The following UBR1 variants were observed in gnomAD, a reference collection of about 807,000 sequenced individuals.
UBR1 encodes ubiquitin protein ligase E3 component n-recognin 1, also known as E3 ubiquitin-protein ligase UBR1.
UBR1 carries 102 observed loss-of-function variants against 242.1 expected under a neutral mutation model. That is an observed-to-expected ratio of 0.42 (90% CI 0.36 to 0.50). UBR1 has a LOEUF of 0.50. Ranked by LOEUF, UBR1 falls within the 20% of genes least tolerant of loss-of-function variation. UBR1 has a pLI of 0.01. For synonymous variants in UBR1, 675 were observed against 684.8 expected (o/e 0.99, Z 0.22); for missense variants, 1,772 against 2,101.8 (o/e 0.84, Z 3.07).
intron 2 of UBR1, among the ~76,000 whole-genome samples, chr15:43,083,661 C>G (rs747473328): frequency 6.6e-6 from 1 of 151,798 alleles, no homozygotes; most frequent in Non-Finnish European, 1.5e-5. Flanking sequence ...GGATTACAGG[C>G]GTGAGCCTCT....
Position 43,036,223 on chromosome 15 carries a change from A to C in UBR1, c.2145T>G (p.Tyr715Ter). 6.2e-7 allele frequency: 1 copy of C among 1,613,804 alleles called. No individual in the cohort carries two copies. The highest frequency in any genetic ancestry group is 8.5e-7 in the Non-Finnish European group (1 of 1,179,834). The change falls in exon 19 of 47, where the codon TAT (tyrosine) becomes TAG (stop). Residue 715 changes from tyrosine (Y) to a stop codon, truncating the protein, a stop_gained. Coordinates refer to ENST00000290650, the MANE Select transcript of UBR1 (RefSeq NM_174916.3). LOFTEE classifies it high-confidence loss of function. ...NKFLLLVLQR[Y>*]ELAEAFNKTI... Reference sequence around the variant, plus strand: ...TCTTGTTAAAAGCCTCGGCAAGTTCATACCTCTGAAGTACCAGTAACAAGA... The same window carrying C: ...TCTTGTTAAAAGCCTCGGCAAGTTCCTACCTCTGAAGTACCAGTAACAAGA...
At chr15:43,028,305 C>T (rs2033203334) in intron 21 of UBR1, among the ~76,000 whole-genome samples, 1 of 152,086 alleles carries the variant, frequency 6.6e-6, no homozygotes, top group South Asian at 2.1e-4. Flanking sequence ...AAGTTTTTTT[C>T]TGATTGACCT....
intron 27 of UBR1, 147 bp downstream of exon 27, chr15:43,021,128 G>T: frequency 1.6e-6 from 1 of 624,532 alleles, no homozygotes; most frequent in South Asian, 1.9e-5. Context: ...TAAAATATAG[G>T]AAAATAGAAT....
Position 42,972,708 on chromosome 15 carries a change from ACT to A in UBR1, c.4370-2103_4370-2102del, listed in dbSNP as rs1269845271. On this transcript the variant is annotated intron_variant, in intron 39 of 46. Transcript: ENST00000290650. ...CTTTTTAGCACTGAATAATATTTCCACTCTCTGGATATACTGTAATTTATTTA... is the reference window on the plus strand; with the variant it reads ...CTTTTTAGCACTGAATAATATTTCCACTCTGGATATACTGTAATTTATTTA... Among the ~76,000 whole-genome samples, 6 of 151,786 alleles carry A rather than the reference ACT, an allele frequency of 4.0e-5. 1 individual carries two copies. The East Asian group carries it at 1.2e-3, about 29-fold the overall frequency.
rs528630364 is a variant in UBR1, at chr15:43,016,637, C to T, written c.3027+458G>A. ...TGTCACCCTGGCTGGAATGCAGTAG[C>T]GTGATTTTGGCTCACTGCAACCTCC... On this transcript the variant is annotated intron_variant, in intron 28 of 46. Transcript: ENST00000290650. Among the ~76,000 whole-genome samples, 189 of 152,270 alleles carry T rather than the reference C, an allele frequency of 1.2e-3. 1 individual carries two copies. The highest frequency in any genetic ancestry group is 4.4e-3 in the African/African-American group (182 of 41,552).
chr15:42,979,339 A>G (rs1222264624), intron 37 of UBR1, among the ~76,000 whole-genome samples: 10 of 151,784 alleles, frequency 6.6e-5, no homozygotes, highest in Admixed American at 2.6e-4. Context: ...ACGCCTGGCC[A>G]TGTAACTAGA....
intron 15 of UBR1, among the ~76,000 whole-genome samples, chr15:43,042,862 G>T (rs1235562260): frequency 6.6e-6 from 1 of 152,126 alleles, no homozygotes; most frequent in East Asian, 1.9e-4. Flanking sequence ...GATAAAGAAT[G>T]ATACAGATAA....
intron 27 of UBR1, among the ~76,000 whole-genome samples, chr15:43,018,154 C>T (rs2033055674): frequency 6.6e-6 from 1 of 151,884 alleles, no homozygotes; most frequent in African/African-American, 2.4e-5. Flanking sequence ...AGGTGCCCGC[C>T]ATAACGCCCG....
chr15:43,102,379 A>G (rs1169398723), intron 1 of UBR1, among the ~76,000 whole-genome samples: 1 of 152,226 alleles, frequency 6.6e-6, no homozygotes, highest in East Asian at 1.9e-4. Context: ...GATGTCAAGT[A>G]GGCAGTTGGA....
At chr15:43,066,578 T>G (rs2033754921) in intron 6 of UBR1, among the ~76,000 whole-genome samples, 1 of 152,212 alleles carries the variant, frequency 6.6e-6, no homozygotes, top group African/African-American at 2.4e-5. Context: ...ACAATGGTGA[T>G]TCTTCCCATC....
At chr15:42,978,736 T>C (rs1356688618) in intron 37 of UBR1, among the ~76,000 whole-genome samples, 5 of 151,138 alleles carry the variant, frequency 3.3e-5, no homozygotes, top group Non-Finnish European at 7.4e-5. Flanking sequence ...TCTTTTCTTT[T>C]TTTTTTTTTT....
At chr15:42,958,644 G>T (rs946062994) in intron 43 of UBR1, among the ~76,000 whole-genome samples, 1 of 152,040 alleles carries the variant, frequency 6.6e-6, no homozygotes, top group African/African-American at 2.4e-5. Context: ...CATATAGAGC[G>T]GTTGAGGACT....
At chr15:43,031,331 A>G (rs2033254913) in intron 20 of UBR1, among the ~76,000 whole-genome samples, 2 of 152,358 alleles carry the variant, frequency 1.3e-5, no homozygotes, top group Admixed American at 1.3e-4. Flanking sequence ...AACAGTAAAA[A>G]TAAAACAGCA....
chr15:43,085,851 G>C (rs1193303944), intron 2 of UBR1, 133 bp downstream of exon 2: 14 of 960,860 alleles, frequency 1.5e-5, no homozygotes, highest in Non-Finnish European at 2.1e-5. Context: ...GGGAGGCAGA[G>C]GTTGCAGTGA....
chr15:43,068,089 T>TAAAAAAAAAA, intron 5 of UBR1, 53 bp from the exon 6 acceptor site: 2 of 787,316 alleles, frequency 2.5e-6, no homozygotes, highest in South Asian at 2.1e-5. Flanking sequence ...AAAGGAAAAG[T>TAAAAAAAAAA]AAAAAAAAAA....
chr15:43,020,508 C>A (rs368590268), intron 27 of UBR1, among the ~76,000 whole-genome samples: 5 of 152,338 alleles, frequency 3.3e-5, no homozygotes, highest in African/African-American at 1.2e-4. Flanking sequence ...CAACAGTCTC[C>A]TAACAGTTTC....
chr15:42,971,909 A>T (rs1359910547), intron 39 of UBR1, among the ~76,000 whole-genome samples: 2 of 152,228 alleles, frequency 1.3e-5, no homozygotes, highest in African/African-American at 4.8e-5. Context: ...AATTGAGCAG[A>T]AAGTACAGAG....
intron 7 of UBR1, 49 bp downstream of exon 7, chr15:43,060,003 T>C: frequency 3.1e-6 from 5 of 1,599,618 alleles, no homozygotes; most frequent in Non-Finnish European, 4.3e-6. Context: ...GCTCTTGTAA[T>C]GTACATTCAT....
intron 15 of UBR1, among the ~76,000 whole-genome samples, chr15:43,042,079 G>A (rs2141321959): frequency 6.6e-6 from 1 of 152,202 alleles, no homozygotes; most frequent in South Asian, 2.1e-4. Context: ...AGTGCATGCG[G>A]GTGGGAATGT....
Sources: allele counts gnomAD v4.1 joint callset (sites outside exome capture counted in the v4.1 genomes callset), GRCh38; gene constraint gnomAD v4.1.1; transcripts MANE v1.5; gene names NCBI Gene and HGNC (gene_info 2026-07-23, HGNC 2026-07-21).